The following TTN variants were observed in gnomAD, a reference collection of about 807,000 sequenced individuals.
The protein encoded by TTN is titin, also known as connectin.
TTN carries 1,525 observed loss-of-function variants against 3,223.0 expected under a neutral mutation model. That is an observed-to-expected ratio of 0.47 (90% CI 0.45 to 0.49). The LOEUF (loss-of-function observed/expected upper bound fraction) is 0.49, where lower values mean the gene tolerates loss of function less well. Ranked by LOEUF, TTN falls within the 20% of genes least tolerant of loss-of-function variation. The probability of loss-of-function intolerance (pLI) is 0.00; values close to 1 mark genes in which losing one functional copy is unlikely to be tolerated. For missense variants in TTN, 40,786 were observed against 43,424.0 expected, an observed-to-expected ratio of 0.94 and a Z score of 5.40; for synonymous variants, 14,094 against 15,161.0, an observed-to-expected ratio of 0.93 and a Z score of 5.17.
chr2:178,589,259 G>A lies in TTN; in HGVS notation c.62466C>T (p.Thr20822=). The A allele has an allele frequency of 1.9e-6, 3 of 1,613,400 alleles. No individual in the cohort carries two copies. The highest frequency in any genetic ancestry group is 2.5e-6 in the Non-Finnish European group (3 of 1,179,618). The change falls in exon 304 of 363, where the codon ACC becomes ACT. Residue 20822 remains threonine, a synonymous_variant. Transcript: ENST00000589042. ...LTRSPRVKID[T]RADSSKFSLT... ...GAGAAAATTTAGATGAATCAGCACG[G>A]GTATCAATCTTGACCCTTGGTGATC...
intron 126 of TTN, 45 bp from the exon 127 acceptor site, chr2:178,688,269 A>G (rs1199384377): frequency 6.5e-7 from 1 of 1,538,662 alleles, no homozygotes; most frequent in African/African-American, 1.4e-5. Flanking sequence ...GCTGAGATAC[A>G]GATGTATATA....
chr2:178,799,875 T>C lies in TTN; in HGVS notation c.619A>G (p.Ile207Val), dbSNP rs771932901. The C allele has an allele frequency of 2.5e-6, 4 of 1,614,106 alleles. No homozygotes were observed. The South Asian group carries it at 4.4e-5, about 18-fold the overall frequency. ...EEVPAKKTKTIVSTAQISESR... is the reference protein window; with the variant it reads ...EEVPAKKTKTVVSTAQISESR... ...TCTGAGATCTGAGCAGTCGAAACAA[T>C]TGTCTTTGTCTTTTTAGCAGGTACT... Residue 207 changes from isoleucine (I) to valine (V), a missense_variant, in exon 5 of 363, where the codon ATT (isoleucine) becomes GTT (valine). By Grantham distance (29) the Ile-to-Val change is conservative (BLOSUM62 3). Coordinates refer to ENST00000589042, the MANE Select transcript of TTN (RefSeq NM_001267550.2).
intron 71 of TTN, 63 bp downstream of exon 71, chr2:178,725,305 G>C (rs2079144678): frequency 7.2e-7 from 1 of 1,396,454 alleles, no homozygotes; most frequent in African/African-American, 1.5e-5. Context: ...GAATCTGCCA[G>C]TAACTCTTAG....
At chr2:178,646,078 T>C (rs1348504248) in intron 216 of TTN, 48 bp from the exon 217 acceptor site, 3 of 691,930 alleles carry the variant, frequency 4.3e-6, no homozygotes, top group Non-Finnish European at 6.3e-6. Flanking sequence ...TGTTAGCATG[T>C]GGATATGTAG....
intron 64 of TTN, 40 bp downstream of exon 64, chr2:178,729,248 C>A (rs1476846369): frequency 1.3e-6 from 2 of 1,557,130 alleles, no homozygotes; most frequent in Admixed American, 2.0e-5. Context: ...AAAAGCGTTA[C>A]AGAATTTTTA....
rs371601918 is a variant in TTN at position 178,776,975 on chromosome 2, G to A, written c.4889C>T (p.Ala1630Val). 13 of 1,613,796 alleles carry A rather than the reference G, an allele frequency of 8.1e-6. No homozygotes were observed. The highest frequency in any genetic ancestry group is 1.6e-4 in the Middle Eastern group (1 of 6,084). ...TCTGCCAGCTTTATTAATAGCAGTCGCAGTATACCAGGCAGAATCTTGGCT... is the reference window on the plus strand; with the variant it reads ...TCTGCCAGCTTTATTAATAGCAGTCACAGTATACCAGGCAGAATCTTGGCT... ...TVSQDSAWYTATAINKAGRDT... is the reference protein window; with the variant it reads ...TVSQDSAWYTVTAINKAGRDT... The change falls in exon 28 of 363, where the codon GCG (alanine) becomes GTG (valine). Residue 1630 changes from alanine (A) to valine (V), a missense_variant. Coordinates refer to ENST00000589042, the MANE Select transcript of TTN (RefSeq NM_001267550.2).
Position 178,776,620 on chromosome 2 carries a change from G to A in TTN, c.5244C>T (p.Ala1748=). ...ATTCATTGATCATACGGAGCCTGTT[G>A]GCTGCTTCAAGTGGCTTTCCATCAT... ...WLHDGKPLEA[A]NRLRMINEFG... is the part of the protein sequence containing the mutation. The change falls in exon 28 of 363, where the codon GCC becomes GCT. Residue 1748 remains alanine, a synonymous_variant. Coordinates refer to ENST00000589042, the MANE Select transcript of TTN (RefSeq NM_001267550.2). The A allele has an allele frequency of 6.2e-7, 1 of 1,614,074 alleles. No individual in the cohort carries two copies. Among genetic ancestry groups the A allele is most frequent in the Non-Finnish European group, 8.5e-7 (1 of 1,180,004 alleles).
At chr2:178,628,778 G>A (rs2059404066) in intron 240 of TTN, 1 of 154,094 alleles carries the variant, frequency 6.5e-6, no homozygotes. Flanking sequence ...ACAGCCCAGA[G>A]CACTTGAAGG....
rs375715538 is a variant in TTN at position 178,528,479 on chromosome 2, A to T, written c.107223+49T>A. 3.3e-5 allele frequency: 52 copies of T among 1,599,698 alleles called. No individual in the cohort carries two copies. The African/African-American group carries it at 6.7e-4, about 21-fold the overall frequency. ...TGTTGAAGTTCTTCAGATGTGGAAG[A>T]CATGGTATTTTAGTTTTTCTTCAAT... On this transcript the variant is annotated intron_variant, in intron 360 of 362. Coordinates refer to ENST00000589042, the MANE Select transcript of TTN (RefSeq NM_001267550.2).
chr2:178,623,330 G>A (rs1415627867), intron 242 of TTN, among the ~76,000 whole-genome samples: 1 of 150,858 alleles, frequency 6.6e-6, no homozygotes, highest in African/African-American at 2.4e-5. Context: ...ACATCTATTA[G>A]TGCAATAAAG....
chr2:178,643,296 G>T (rs1007898181), intron 218 of TTN, among the ~76,000 whole-genome samples: 11 of 151,818 alleles, frequency 7.2e-5, no homozygotes, highest in Non-Finnish European at 1.6e-4. Flanking sequence ...AAAGATAACT[G>T]CTTAACTCTT....
intron 22 of TTN, 31 bp downstream of exon 22, chr2:178,779,969 T>C: frequency 1.3e-6 from 2 of 1,593,746 alleles, no homozygotes; most frequent in Non-Finnish European, 1.7e-6. Context: ...ATTTATGAAA[T>C]TGTTTGGTTG....
Position 178,617,814 on chromosome 2 carries a change from G to A in TTN, c.47537C>T (p.Ala15846Val), listed in dbSNP as rs1183139911. Residue 15846 changes from alanine to valine, a missense_variant, in exon 253 of 363, where the codon GCA becomes GTA. By Grantham distance (64) the Ala-to-Val change is moderately conservative. Coordinates refer to ENST00000589042, the MANE Select transcript of TTN (RefSeq NM_001267550.2). ...QNRIGVGKPS[A>V]ATPFVKVADP... is the part of the protein sequence containing the mutation. Reference sequence around the variant, plus strand: ...AGCAACTTTGACGAAGGGTGTGGCTGCACTTGGTTTTCCAACTCCAATTCG... The same window carrying A: ...AGCAACTTTGACGAAGGGTGTGGCTACACTTGGTTTTCCAACTCCAATTCG... 2 of 1,612,342 alleles carry A rather than the reference G, an allele frequency of 1.2e-6. No individual in the cohort carries two copies. Among genetic ancestry groups the A allele is most frequent in the South Asian group, 2.2e-5 (2 of 91,032 alleles).
At position 178,739,239 on chromosome 2, in the gene TTN, T is replaced by C; in HGVS notation, c.13994A>G (p.Lys4665Arg). Reference sequence around the variant, plus strand: ...TCCTTGATGGTCTTCGGTATTTACTTTGTCGATGACTAGCGTATATGTATT... The same window carrying C: ...TCCTTGATGGTCTTCGGTATTTACTCTGTCGATGACTAGCGTATATGTATT... ...DQNTYTLVIDKVNTEDHQGEY... is the reference protein window; with the variant it reads ...DQNTYTLVIDRVNTEDHQGEY... Residue 4665 changes from lysine (K) to arginine (R), a missense_variant, in exon 48 of 363, where the codon AAA becomes AGA. Lys to Arg is a conservative substitution (Grantham distance 26). Coordinates refer to ENST00000589042, the MANE Select transcript of TTN (RefSeq NM_001267550.2). The C allele has an allele frequency of 6.3e-7, 1 of 1,591,422 alleles. No homozygotes were observed. Among genetic ancestry groups the C allele is most frequent in the Non-Finnish European group, 8.6e-7 (1 of 1,165,646 alleles).
At position 178,741,781 on chromosome 2, in the gene TTN, T is replaced by G. The variant is rs1252339259; in HGVS notation, c.11452A>C (p.Thr3818Pro). 6.2e-7 allele frequency: 1 copy of G among 1,613,546 alleles called. No homozygotes were observed. The highest frequency in any genetic ancestry group is 8.5e-7 in the Non-Finnish European group (1 of 1,179,698). The stretch of plus-strand genomic sequence containing the variant: ...ACTTCTTTGATGAAAATTGGGCCAG[T>G]GCCTTCCTTTTCGGAATCAAATTTA... ...PTKFDSEKEGTGPIFIKEVSN... is the reference protein window; with the variant it reads ...PTKFDSEKEGPGPIFIKEVSN... Residue 3818 changes from threonine to proline, a missense_variant, in exon 48 of 363, where the codon ACT (threonine) becomes CCT (proline). Coordinates refer to ENST00000589042, the MANE Select transcript of TTN (RefSeq NM_001267550.2).
Position 178,597,747 on chromosome 2 carries a change from A to G in TTN, c.57335T>C (p.Ile19112Thr). The change falls in exon 294 of 363, where the codon ATC (isoleucine) becomes ACC (threonine). Residue 19112 changes from isoleucine to threonine, a missense_variant. Ile to Thr is a moderately conservative substitution (Grantham distance 89, BLOSUM62 -1). Transcript: ENST00000589042. ...AGGCTTTCCAGACACATAGGCAATG[A>G]TTCGGATCACCCCTCCAGCATGGAC... Reference protein sequence around the residue: ...IVVHAGGVIRIIAYVSGKPPP... With the variant: ...IVVHAGGVIRTIAYVSGKPPP... 1.2e-6 allele frequency: 2 copies of G among 1,613,256 alleles called. No individual in the cohort carries two copies. The highest frequency in any genetic ancestry group is 1.7e-6 in the Non-Finnish European group (2 of 1,179,546).
intron 259 of TTN, 38 bp downstream of exon 259, chr2:178,615,269 G>A: frequency 6.2e-7 from 1 of 1,606,868 alleles, no homozygotes; most frequent in East Asian, 2.2e-5. Context: ...TAGTGACTAG[G>A]AGTACACATT....
chr2:178,712,433 A>G lies in TTN; in HGVS notation c.27489T>C (p.Thr9163=), dbSNP rs1012006021. 1.2e-6 allele frequency: 2 copies of G among 1,613,764 alleles called. No individual in the cohort carries two copies. The highest frequency in any genetic ancestry group is 3.3e-5 in the Admixed American group (2 of 59,996). ...TPSQRCNITT[T]EKSAILEIPS... The stretch of plus-strand genomic sequence containing the variant: ...GAATTTCCAGGATTGCCGATTTTTC[A>G]GTCGTAGTTATATTACACCTCTGAG... Residue 9163 remains threonine, a synonymous_variant, in exon 95 of 363, where the codon ACT becomes ACC. Transcript: ENST00000589042.
chr2:178,664,626 AC>A, intron 167 of TTN, 27 bp downstream of exon 167: 1 of 1,610,270 alleles, frequency 6.2e-7, no homozygotes, highest in Non-Finnish European at 8.5e-7. Context: ...ACATGTTCCC[AC>A]CCCTCTAAGC....
Sources: allele counts gnomAD v4.1 joint callset (sites outside exome capture counted in the v4.1 genomes callset), GRCh38; gene constraint gnomAD v4.1.1; transcripts MANE v1.5; gene names NCBI Gene and HGNC (gene_info 2026-07-23, HGNC 2026-07-21).